The following SYN3 variants were observed in gnomAD, a reference collection of about 807,000 sequenced individuals.
SYN3 encodes synapsin-3.
Under a neutral mutation model 65.8 loss-of-function variants are expected in SYN3, and 35 were observed. That is an observed-to-expected ratio of 0.53 (90% CI 0.41 to 0.70). The LOEUF (loss-of-function observed/expected upper bound fraction) is 0.70, where lower values mean the gene tolerates loss of function less well. SYN3 is among the 30% of genes least tolerant of loss of function. The pLI is 0.00. For missense variants in SYN3, 680 were observed against 749.0 expected, an observed-to-expected ratio of 0.91 and a Z score of 1.08; for synonymous variants, 270 against 292.9, an observed-to-expected ratio of 0.92 and a Z score of 0.80.
intron 4 of SYN3, among the ~76,000 whole-genome samples, chr22:32,906,202 G>A (rs2049898168): frequency 6.6e-6 from 1 of 152,132 alleles, no homozygotes; most frequent in Non-Finnish European, 1.5e-5. Flanking sequence ...CAACGATCTG[G>A]CATTTCTCAG....
rs531574479 is a variant in SYN3 at position 33,017,191 on chromosome 22, C to T, written c.-162-10367G>A. 5.3e-5 allele frequency among the ~76,000 whole-genome samples: 8 copies of T among 152,314 alleles called. No homozygotes were observed. The South Asian group carries it at 1.7e-3, about 32-fold the overall frequency. ...TTGTCTCCATTGTGTGTTCTTGTCACCTTTGTCAAATTTCAATTGATTGTA... is the reference window on the plus strand; with the variant it reads ...TTGTCTCCATTGTGTGTTCTTGTCATCTTTGTCAAATTTCAATTGATTGTA... On this transcript the variant is annotated intron_variant, in intron 1 of 13. Transcript: ENST00000358763.
intron 1 of SYN3, among the ~76,000 whole-genome samples, chr22:33,033,781 G>A (rs144313794): frequency 1.4e-3 from 207 of 152,204 alleles, no homozygotes; most frequent in African/African-American, 4.7e-3. Context: ...TAGCCAACGG[G>A]GAGACTAGGT....
chr22:32,631,286 A>C (rs1053628493), intron 6 of SYN3, among the ~76,000 whole-genome samples: 4 of 146,820 alleles, frequency 2.7e-5, no homozygotes, highest in African/African-American at 1.0e-4. Flanking sequence ...CAAGAGCGAA[A>C]CTCCATCTCA....
At chr22:32,755,599 T>A (rs919720718) in intron 6 of SYN3, among the ~76,000 whole-genome samples, 6 of 152,190 alleles carry the variant, frequency 3.9e-5, no homozygotes, top group African/African-American at 1.4e-4. Context: ...AGAGCTTTCT[T>A]GCCCAGGAAA....
intron 3 of SYN3, among the ~76,000 whole-genome samples, chr22:32,937,206 T>G (rs987809555): frequency 6.6e-6 from 1 of 152,066 alleles, no homozygotes; most frequent in Non-Finnish European, 1.5e-5. Flanking sequence ...TTAAAACAAC[T>G]GTTATAAAGA....
chr22:32,591,624 C>T (rs991073383), intron 7 of SYN3, among the ~76,000 whole-genome samples: 4 of 152,154 alleles, frequency 2.6e-5, no homozygotes, highest in African/African-American at 2.4e-5. Flanking sequence ...ATTATCACCA[C>T]GGCTTCCTCT....
At position 32,529,008 on chromosome 22, in the gene SYN3, C is replaced by T. The variant is rs1372674617; in HGVS notation, c.1096G>A (p.Val366Ile). 1.2e-6 allele frequency: 2 copies of T among 1,613,696 alleles called. No homozygotes were observed. The highest frequency in any genetic ancestry group is 2.2e-5 in the East Asian group (1 of 44,892). Reference protein sequence around the residue: ...SKDGRDYIIEVMDSSMPLIGE... With the variant: ...SKDGRDYIIEIMDSSMPLIGE... ...ATCAGCGGCATTGAGCTGTCCATTA[C>T]CTGTGGGGAGGAAGGGAGAGCTGAG... Residue 366 changes from valine (V) to isoleucine (I), a missense_variant and splice_region_variant, in exon 11 of 14, where the codon GTA becomes ATA. Coordinates refer to ENST00000358763, the MANE Select transcript of SYN3 (RefSeq NM_003490.4).
chr22:32,741,358 T>C (rs1569186869), intron 6 of SYN3, among the ~76,000 whole-genome samples: 1 of 140,642 alleles, frequency 7.1e-6, no homozygotes, highest in Non-Finnish European at 1.6e-5. Flanking sequence ...TTTTTTTTTT[T>C]TTTTTTTTTT....
intron 5 of SYN3, among the ~76,000 whole-genome samples, 177 bp from the exon 6 acceptor site, chr22:32,865,181 T>A (rs1255628081): frequency 1.3e-5 from 2 of 152,146 alleles, no homozygotes; most frequent in East Asian, 3.8e-4. Flanking sequence ...ATCCTCTCCA[T>A]CATCTAGCCA....
At chr22:32,750,869 G>A (rs1185970718) in intron 6 of SYN3, among the ~76,000 whole-genome samples, 2 of 152,110 alleles carry the variant, frequency 1.3e-5, no homozygotes, top group African/African-American at 4.8e-5. Context: ...GGGAAAGGCT[G>A]AGGAAGGCAC....
At chr22:32,602,454 TTTTGTTTG>T (rs527805956) in intron 6 of SYN3, among the ~76,000 whole-genome samples, 4 of 152,068 alleles carry the variant, frequency 2.6e-5, no homozygotes, top group Non-Finnish European at 4.4e-5. Flanking sequence ...TTTTGTTTTG[TTTTGTTTG>T]TTTGTTTGTT....
intron 3 of SYN3, among the ~76,000 whole-genome samples, chr22:32,935,308 T>TCTCTCACA (rs1556021081): frequency 6.7e-6 from 1 of 149,120 alleles, no homozygotes; most frequent in African/African-American, 2.5e-5. Flanking sequence ...TCTCTCTCTC[T>TCTCTCACA]CACACACACA....
At chr22:32,891,696 C>T (rs568596381) in intron 4 of SYN3, among the ~76,000 whole-genome samples, 4 of 152,274 alleles carry the variant, frequency 2.6e-5, no homozygotes, top group Middle Eastern at 3.4e-3. Flanking sequence ...GCCTAATATA[C>T]GGACCTGTTT....
chr22:33,002,277 A>G (rs2053081764), intron 2 of SYN3, among the ~76,000 whole-genome samples: 1 of 152,238 alleles, frequency 6.6e-6, no homozygotes, highest in Non-Finnish European at 1.5e-5. Flanking sequence ...AGCAGGAAGC[A>G]GTAAAGTCAG....
chr22:32,959,465 C>T (rs528348413), intron 3 of SYN3, among the ~76,000 whole-genome samples: 3 of 151,950 alleles, frequency 2.0e-5, no homozygotes, highest in Non-Finnish European at 2.9e-5. Context: ...GCAGGAGAAT[C>T]ACTTGAACCC....
chr22:32,993,306 T>C (rs765276061), intron 2 of SYN3, among the ~76,000 whole-genome samples: 2 of 152,154 alleles, frequency 1.3e-5, no homozygotes, highest in Non-Finnish European at 2.9e-5. Context: ...CCTATTTTCC[T>C]TTGCTTCTGC....
At chr22:32,949,685 C>T (rs241758) in intron 3 of SYN3, among the ~76,000 whole-genome samples, 47,893 of 151,890 alleles carry the variant, frequency 0.32, 8,264 homozygotes, top group East Asian at 0.74. Flanking sequence ...ACTGAAAGCA[C>T]GGGGTATTCA....
chr22:32,916,272 C>T (rs954322332), intron 4 of SYN3, among the ~76,000 whole-genome samples: 3 of 152,212 alleles, frequency 2.0e-5, no homozygotes, highest in African/African-American at 7.2e-5. Flanking sequence ...CCAGCTAAGC[C>T]CTGCCCAAAT....
chr22:32,739,788 A>G (rs2061381784), intron 6 of SYN3, among the ~76,000 whole-genome samples: 1 of 152,228 alleles, frequency 6.6e-6, no homozygotes, highest in Non-Finnish European at 1.5e-5. Flanking sequence ...TATTTTGAGT[A>G]TTACCCCTAG....
Sources: gnomAD v4.1 joint callset for allele counts (sites outside exome capture counted in the v4.1 genomes callset) on GRCh38, gnomAD v4.1.1 for gene constraint, MANE v1.5 for transcripts, NCBI Gene and HGNC (gene_info 2026-07-23, HGNC 2026-07-21) for gene names.